LSAMP: variants seen among roughly 807,000 people sequenced by gnomAD.
LSAMP encodes limbic system-associated membrane protein.
LSAMP carries 7 observed loss-of-function variants against 38.6 expected under a neutral mutation model. The observed-to-expected ratio is 0.18, with a 90% CI of 0.10 to 0.34. The LOEUF is 0.34. Among genes scored for constraint, LSAMP ranks in the 10% least tolerant of loss-of-function variants. The probability of loss-of-function intolerance (pLI) is 1.00; values close to 1 mark genes in which losing one functional copy is unlikely to be tolerated. For synonymous variants in LSAMP, 154 were observed against 166.8 expected, an observed-to-expected ratio of 0.92 and a Z score of 0.59; for missense variants, 313 against 420.0, an observed-to-expected ratio of 0.75 and a Z score of 2.23.
chr3:116,073,318 A>G (rs934771778), intron 2 of LSAMP, among the ~76,000 whole-genome samples: 2 of 152,066 alleles, frequency 1.3e-5, no homozygotes, highest in African/African-American at 4.8e-5. Context: ...GCTTTGTACT[A>G]TAGTTTGAAG....
At chr3:116,202,220 C>G (rs2045997680) in intron 1 of LSAMP, among the ~76,000 whole-genome samples, 1 of 151,880 alleles carries the variant, frequency 6.6e-6, no homozygotes, top group African/African-American at 2.4e-5. Context: ...ACTGCAACCT[C>G]CACCTCCCAG....
chr3:116,395,869 A>G (rs1036013896), intron 1 of LSAMP, among the ~76,000 whole-genome samples: 1 of 152,188 alleles, frequency 6.6e-6, no homozygotes, highest in Non-Finnish European at 1.5e-5. Context: ...AAAAAGATAT[A>G]TATTGCCCTT....
chr3:116,193,804 A>G (rs1221816805), intron 1 of LSAMP, among the ~76,000 whole-genome samples: 1 of 152,218 alleles, frequency 6.6e-6, no homozygotes, highest in Non-Finnish European at 1.5e-5. Context: ...TGAAGACTAC[A>G]ATGCCAGGAA....
intron 1 of LSAMP, among the ~76,000 whole-genome samples, chr3:116,435,960 A>C (rs1270444364): frequency 2.6e-5 from 4 of 152,220 alleles, no homozygotes; most frequent in Non-Finnish European, 5.9e-5. Flanking sequence ...ACTGAGTAAC[A>C]GGCAGAGGTA....
rs1459831015 is a variant in LSAMP at position 115,984,914 on chromosome 3, T to C, written c.514+34601A>G. 2.0e-5 allele frequency among the ~76,000 whole-genome samples: 3 copies of C among 152,282 alleles called. No individual in the cohort carries two copies. The East Asian group carries it at 5.8e-4, about 29-fold the overall frequency. On this transcript the variant is annotated intron_variant, in intron 3 of 6. Transcript: ENST00000490035. ...AGAGGTGTAAGAGTGCTTCTTATAT[T>C]CCATAGATGGTGAGCAGTCTTGTGA...
intron 1 of LSAMP, among the ~76,000 whole-genome samples, chr3:116,383,249 C>G (rs1402231407): frequency 6.6e-6 from 1 of 152,108 alleles, no homozygotes; most frequent in East Asian, 1.9e-4. Flanking sequence ...CCTCTATTTT[C>G]TACTCCCTCT....
intron 1 of LSAMP, among the ~76,000 whole-genome samples, chr3:116,312,944 T>A (rs2047577346): frequency 6.6e-6 from 1 of 150,570 alleles, no homozygotes. Flanking sequence ...AACAAAATTT[T>A]TATCTAAAAT....
At chr3:116,297,095 A>T (rs1259718957) in intron 1 of LSAMP, among the ~76,000 whole-genome samples, 1 of 152,210 alleles carries the variant, frequency 6.6e-6, no homozygotes, top group East Asian at 1.9e-4. Flanking sequence ...TTTTCTATGG[A>T]GTCTACAAAC....
chr3:116,139,282 CTT>C (rs913476752), intron 1 of LSAMP, among the ~76,000 whole-genome samples: 17 of 152,074 alleles, frequency 1.1e-4, no homozygotes, highest in African/African-American at 3.6e-4. Flanking sequence ...AAGGATGACT[CTT>C]TGCCTTTAAA....
intron 3 of LSAMP, among the ~76,000 whole-genome samples, chr3:115,879,376 A>G (rs1420410534): frequency 1.3e-5 from 2 of 152,184 alleles, no homozygotes; most frequent in South Asian, 2.1e-4. Context: ...TTATACTAGT[A>G]AAGAATTTCA....
At chr3:116,086,605 G>T in intron 1 of LSAMP, 49 bp from the exon 2 acceptor site, 1 of 1,442,300 alleles carries the variant, frequency 6.9e-7, no homozygotes, top group Non-Finnish European at 9.8e-7. Context: ...AACTATTTCT[G>T]CGTTTCTTCT....
chr3:116,055,064 C>A (rs565696159), intron 2 of LSAMP, among the ~76,000 whole-genome samples: 2 of 152,132 alleles, frequency 1.3e-5, no homozygotes, highest in South Asian at 2.1e-4. Flanking sequence ...GGAATTCAGG[C>A]AAACACCCTA....
intron 1 of LSAMP, among the ~76,000 whole-genome samples, chr3:116,407,894 C>G (rs951615690): frequency 1.3e-5 from 2 of 152,000 alleles, no homozygotes; most frequent in Admixed American, 6.6e-5. Flanking sequence ...CTCCTACAAA[C>G]AGAGTCAGGC....
At chr3:116,148,109 A>C (rs1406649056) in intron 1 of LSAMP, among the ~76,000 whole-genome samples, 1 of 148,404 alleles carries the variant, frequency 6.7e-6, no homozygotes, top group Non-Finnish European at 1.5e-5. Flanking sequence ...TTCTACAAAA[A>C]CATGTGCTTT....
intron 3 of LSAMP, among the ~76,000 whole-genome samples, chr3:115,914,698 AG>A (rs1455886736): frequency 2.0e-5 from 3 of 152,174 alleles, no homozygotes; most frequent in African/African-American, 7.2e-5. Context: ...TGAAGAGATA[AG>A]CATCTCTCTC....
chr3:116,197,167 T>C (rs868363394), intron 1 of LSAMP, among the ~76,000 whole-genome samples: 1 of 78,528 alleles, frequency 1.3e-5, no homozygotes, highest in Non-Finnish European at 2.9e-5. Flanking sequence ...ACACACACTC[T>C]CTCTCTCTCT....
chr3:115,936,971 C>T (rs1273237583), intron 3 of LSAMP, among the ~76,000 whole-genome samples: 1 of 152,058 alleles, frequency 6.6e-6, no homozygotes, highest in East Asian at 1.9e-4. Context: ...ATTTTAATTA[C>T]TTTAAAATTG....
At chr3:116,012,821 T>C (rs1260035515) in intron 3 of LSAMP, among the ~76,000 whole-genome samples, 1 of 152,152 alleles carries the variant, frequency 6.6e-6, no homozygotes, top group Non-Finnish European at 1.5e-5. Flanking sequence ...AATAATGATA[T>C]CAAGAATTGC....
intron 6 of LSAMP, among the ~76,000 whole-genome samples, chr3:115,826,292 T>G (rs1467636311): frequency 6.6e-6 from 1 of 151,890 alleles, no homozygotes; most frequent in Non-Finnish European, 1.5e-5. Context: ...TTTTTTGTAT[T>G]TTTTAGTAGA....
Sources: gnomAD v4.1 joint callset for allele counts (sites outside exome capture counted in the v4.1 genomes callset) on GRCh38, gnomAD v4.1.1 for gene constraint, MANE v1.5 for transcripts, NCBI Gene and HGNC (gene_info 2026-07-23, HGNC 2026-07-21) for gene names.